SOHLH1: variants seen among roughly 807,000 people sequenced by gnomAD.
SOHLH1 encodes the protein spermatogenesis- and oogenesis-specific basic helix-loop-helix-containing protein 1.
In SOHLH1, 23 loss-of-function variants were observed where a neutral mutation model predicts 36.2. That is an observed-to-expected ratio of 0.64 (90% confidence interval 0.46 to 0.90). The LOEUF (loss-of-function observed/expected upper bound fraction) is 0.90. Among genes scored for constraint, SOHLH1 ranks in the 40% least tolerant of loss-of-function variants. The pLI is 0.00. For missense variants in SOHLH1, 608 were observed against 517.0 expected (o/e 1.18, Z -1.71); for synonymous variants, 289 against 228.3 (o/e 1.27, Z -2.40).
At position 135,695,196 on chromosome 9, in the gene SOHLH1, G is replaced by C; in HGVS notation, c.729C>G (p.Ser243=). ...SLPKAVRPPL[S]WPPFSQQQTL... ...TCTGCTGCTGCGAGAACGGAGGCCA[G>C]GACAGGGGTGGCCTCACAGCCTTAG... The change falls in exon 6 of 8, where the codon TCC becomes TCG. Residue 243 remains serine (S), a synonymous_variant. Coordinates refer to ENST00000425225, the MANE Select transcript of SOHLH1 (RefSeq NM_001101677.2). 6.2e-7 allele frequency: 1 copy of C among 1,605,062 alleles called. No homozygotes were observed. Among genetic ancestry groups the C allele is most frequent in the Non-Finnish European group, 8.5e-7 (1 of 1,177,416 alleles).
upstream of SOHLH1, among the ~76,000 whole-genome samples, chr9:135,699,689 CG>C (rs368982728): frequency 3.9e-5 from 6 of 152,100 alleles, no homozygotes; most frequent in African/African-American, 1.2e-4. Context: ...GAAAGGGACT[CG>C]GGGGGTCCAC....
At position 135,695,118 on chromosome 9, in the gene SOHLH1, G is replaced by T; in HGVS notation, c.807C>A (p.Pro269=). The change falls in exon 6 of 8, where the codon CCC becomes CCA. Residue 269 remains proline, a synonymous_variant. Transcript: ENST00000425225. ...CCAGAGGTGCAGCCCCCATGGCCAG[G>T]GGCCCAGCCTGGCCCAGCCAGCCAA... ...EALGWLGQAG[P]LAMGAAPLGE... 1 of 1,595,674 alleles carries T rather than the reference G, an allele frequency of 6.3e-7. No individual in the cohort carries two copies.
In SOHLH1 at chr9:135,695,239, G is replaced by C; in HGVS notation, c.686C>G (p.Pro229Arg). The change falls in exon 6 of 8, where the codon CCC becomes CGC. Residue 229 changes from proline to arginine, a missense_variant. Transcript: ENST00000425225. Reference sequence around the variant, plus strand: ...AGCCTTAGGAAGACTCCGGCCTGGGGGCCACGGCACCAGGCTGGAAGGTTC... The same window carrying C: ...AGCCTTAGGAAGACTCCGGCCTGGGCGCCACGGCACCAGGCTGGAAGGTTC... ...FSEPSSLVPWPPGRSLPKAVR... is the reference protein window; with the variant it reads ...FSEPSSLVPWRPGRSLPKAVR... 6.2e-7 allele frequency: 1 copy of C among 1,600,572 alleles called. No homozygotes were observed. The highest frequency in any genetic ancestry group is 8.5e-7 in the Non-Finnish European group (1 of 1,175,478).
chr9:135,699,926 A>T (rs1445132817), upstream of SOHLH1, among the ~76,000 whole-genome samples: 2 of 148,220 alleles, frequency 1.3e-5, no homozygotes, highest in African/African-American at 4.9e-5. Flanking sequence ...CCAGGGACAC[A>T]GGGAGGGGGA....
intron 2 of SOHLH1, 77 bp downstream of exon 2, chr9:135,698,918 G>A: frequency 4.4e-6 from 7 of 1,600,338 alleles, no homozygotes; most frequent in Non-Finnish European, 6.0e-6. Flanking sequence ...CCTGACACCT[G>A]GTGGCAGCCC....
rs1368925475 is a variant in SOHLH1 at position 135,693,699 on chromosome 9, G to C, written c.1062C>G (p.Leu354=). ...CCCACGGCTCCAGAGGGCTGTCCTG[G>C]AGCTCCTGGGAGCCAAGCTCAGGGT... ...LGDPELGSQE[L]QDSPLEPWGL... Residue 354 remains leucine, a synonymous_variant, in exon 8 of 8, where the codon CTC becomes CTG. Transcript: ENST00000425225. 6.3e-7 allele frequency: 1 copy of C among 1,575,130 alleles called. No homozygotes were observed. Among genetic ancestry groups the C allele is most frequent in the African/African-American group, 1.4e-5 (1 of 73,838 alleles).
rs1293422548 is a variant in SOHLH1, at chr9:135,695,283, C to T, written c.662-20G>A. 5.7e-6 allele frequency: 9 copies of T among 1,574,224 alleles called. No individual in the cohort carries two copies. Among genetic ancestry groups the T allele is most frequent in the African/African-American group, 1.3e-5 (1 of 74,454 alleles). Reference sequence around the variant, plus strand: ...AAGGTTCTGGGAGAGAAGTCAGATGCGGGTCAGCCTTCCCTGCCCAGCCCC... The same window carrying T: ...AAGGTTCTGGGAGAGAAGTCAGATGTGGGTCAGCCTTCCCTGCCCAGCCCC... On this transcript the variant is annotated intron_variant, in intron 5 of 7. Coordinates refer to ENST00000425225, the MANE Select transcript of SOHLH1 (RefSeq NM_001101677.2).
At position 135,695,190 on chromosome 9, in the gene SOHLH1, A is replaced by G; in HGVS notation, c.735T>C (p.Pro245=). The G allele has an allele frequency of 6.2e-7, 1 of 1,604,774 alleles. No homozygotes were observed. Among genetic ancestry groups the G allele is most frequent in the Middle Eastern group, 1.8e-4 (1 of 5,622 alleles). The change falls in exon 6 of 8, where the codon CCT becomes CCC. Residue 245 remains proline, a synonymous_variant. Transcript: ENST00000425225. ...GCAAGGTCTGCTGCTGCGAGAACGGAGGCCAGGACAGGGGTGGCCTCACAG... is the reference window on the plus strand; with the variant it reads ...GCAAGGTCTGCTGCTGCGAGAACGGGGGCCAGGACAGGGGTGGCCTCACAG... ...PKAVRPPLSW[P]PFSQQQTLPV...
At chr9:135,696,079 C>T (rs111265661) in intron 5 of SOHLH1, among the ~76,000 whole-genome samples, 20 of 151,998 alleles carry the variant, frequency 1.3e-4, no homozygotes, top group African/African-American at 4.6e-4. Flanking sequence ...CCTCTACCTC[C>T]CCACTTCCCA....
upstream of SOHLH1, among the ~76,000 whole-genome samples, chr9:135,699,716 G>T (rs1018306874): frequency 2.0e-5 from 3 of 152,082 alleles, no homozygotes; most frequent in African/African-American, 7.2e-5. Flanking sequence ...CTATGCCCCC[G>T]CAGGACGCCA....
chr9:135,698,323 A>G lies in SOHLH1; in HGVS notation c.345+6T>C. On this transcript the variant is annotated splice_donor_region_variant and intron_variant, in intron 3 of 7. Transcript: ENST00000425225. ...AGGACTGACGGCGTCTACCCTTACA[A>G]CTCACAGCGTGCTGCTCCTGACTGG... The G allele has an allele frequency of 6.2e-7, 1 of 1,612,916 alleles. No homozygotes were observed. Among genetic ancestry groups the G allele is most frequent in the Non-Finnish European group, 8.5e-7 (1 of 1,179,988 alleles).
At chr9:135,694,334 C>A in intron 7 of SOHLH1, 53 bp downstream of exon 7, 5 of 1,611,792 alleles carry the variant, frequency 3.1e-6, no homozygotes, top group Non-Finnish European at 4.2e-6. Context: ...TTCCCCAGCT[C>A]ATATCAGGTG....
At chr9:135,695,766 G>A (rs1311448383) in intron 5 of SOHLH1, among the ~76,000 whole-genome samples, 8 of 152,140 alleles carry the variant, frequency 5.3e-5, no homozygotes, top group Non-Finnish European at 1.2e-4. Context: ...ACCACAGCAG[G>A]GGCCGAGGGG....
rs187516541 is a variant in SOHLH1, at chr9:135,699,017, C to T, written c.175G>A (p.Val59Met). Residue 59 changes from valine (V) to methionine (M), a missense_variant, in exon 2 of 8, where the codon GTG (valine) becomes ATG (methionine). Val to Met is a conservative substitution (Grantham distance 21). Transcript: ENST00000425225. ...CACCTGCGCTCCCTCTCGCTGATCACGTTCCGCCGAAGGCAGGAGCTGGGA... is the reference window on the plus strand; with the variant it reads ...CACCTGCGCTCCCTCTCGCTGATCATGTTCCGCCGAAGGCAGGAGCTGGGA... ...EGPSSCLRRN[V>M]ISERERRKRM... 3 of 1,611,632 alleles carry T rather than the reference C, an allele frequency of 1.9e-6. No homozygotes were observed. Among genetic ancestry groups the T allele is most frequent in the East Asian group, 2.2e-5 (1 of 44,860 alleles).
upstream of SOHLH1, among the ~76,000 whole-genome samples, chr9:135,701,359 TC>T (rs1164298038): frequency 6.6e-6 from 1 of 152,070 alleles, no homozygotes; most frequent in African/African-American, 2.4e-5. Flanking sequence ...GACCTGGCCC[TC>T]CCCCTGGCCC....
At chr9:135,699,733 G>A (rs990260943), upstream of SOHLH1, among the ~76,000 whole-genome samples, 37 of 152,254 alleles carry the variant, frequency 2.4e-4, no homozygotes, top group African/African-American at 8.9e-4. Context: ...GCCAGGGGAA[G>A]GGGCCCCAGC....
chr9:135,695,564 C>T (rs1334257183), intron 5 of SOHLH1, among the ~76,000 whole-genome samples: 1 of 152,144 alleles, frequency 6.6e-6, no homozygotes. Flanking sequence ...TCAGCACCGC[C>T]TCCCGGACCT....
rs754545638 is a variant in SOHLH1, at chr9:135,697,534, G to A, written c.439C>T (p.Pro147Ser). Residue 147 changes from proline to serine, a missense_variant, in exon 4 of 8, where the codon CCT becomes TCT. Pro to Ser is a moderately conservative substitution (Grantham distance 74). Transcript: ENST00000425225. Reference protein sequence around the residue: ...SSQIQAGVPDPGTGASSGTRT... With the variant: ...SSQIQAGVPDSGTGASSGTRT... The stretch of plus-strand genomic sequence containing the variant: ...GTCCCGCTGGACGCTCCCGTCCCAG[G>A]GTCTGGCACACCTGCTTGAATCTGA... The A allele has an allele frequency of 2.4e-5, 39 of 1,612,250 alleles. 1 individual carries two copies. Among genetic ancestry groups the A allele is most frequent in the Non-Finnish European group, 3.1e-5 (37 of 1,179,760 alleles).
intron 5 of SOHLH1, among the ~76,000 whole-genome samples, chr9:135,695,598 C>T (rs1834762443): frequency 6.6e-6 from 1 of 152,134 alleles, no homozygotes; most frequent in Non-Finnish European, 1.5e-5. Flanking sequence ...CAGACCTGCT[C>T]GCTCCCCACG....
Sources: gnomAD v4.1 joint callset for allele counts (sites outside exome capture counted in the v4.1 genomes callset) on GRCh38, gnomAD v4.1.1 for gene constraint, MANE v1.5 for transcripts, NCBI Gene and HGNC (gene_info 2026-07-23, HGNC 2026-07-21) for gene names.